Variants in SUGT1 observed in about 807,000 individuals in gnomAD.
SUGT1 encodes protein SGT1 homolog.
Under a neutral mutation model 56.1 loss-of-function variants are expected in SUGT1, and 15 were observed. That is an observed-to-expected ratio of 0.27 (90% CI 0.18 to 0.41). The LOEUF (loss-of-function observed/expected upper bound fraction) is 0.41, where lower values mean the gene tolerates loss of function less well. Among genes scored for constraint, SUGT1 ranks in the 10% least tolerant of loss-of-function variants. SUGT1 has a pLI of 1.00. For missense variants in SUGT1, 347 were observed against 382.2 expected (o/e 0.91, Z 0.77); for synonymous variants, 123 against 128.6 (o/e 0.96, Z 0.30).
chr13:52,664,768 A>G (rs550019342), intron 8 of SUGT1, among the ~76,000 whole-genome samples: 1 of 152,326 alleles, frequency 6.6e-6, no homozygotes, highest in African/African-American at 2.4e-5. Context: ...AGGAACTTTG[A>G]CTTGCCCTGG....
At chr13:52,678,668 A>AT (rs1308209121) in intron 11 of SUGT1, among the ~76,000 whole-genome samples, 7 of 109,568 alleles carry the variant, frequency 6.4e-5, no homozygotes, top group Middle Eastern at 4.9e-3. Context: ...AAATATCTTC[A>AT]TTTTTTTTGT....
rs182368644 is a variant in SUGT1, at chr13:52,690,438, T to A, written c.*2603T>A. The A allele has an allele frequency of 6.6e-6, 1 of 152,330 alleles. No homozygotes were observed. Among genetic ancestry groups the A allele is most frequent in the Admixed American group, 6.5e-5 (1 of 15,306 alleles). The allele number at this position is 152,330 out of a possible 1,614,324, so 9.4% of individuals were successfully genotyped here. A position where few individuals can be genotyped will look rare whatever the true frequency, so the allele number is the denominator to read the frequency against. On this transcript the variant is annotated 3_prime_UTR_variant, in exon 13 of 13. Coordinates refer to ENST00000310528, the MANE Select transcript of SUGT1 (RefSeq NM_006704.5). ...TGCTGTTAGTATTAGTAGCCTTTTG[T>A]TTCTTCAGAATGTATGTATTTTTCC...
chr13:52,660,392 G>A (rs1171131717), intron 5 of SUGT1, among the ~76,000 whole-genome samples: 1 of 152,090 alleles, frequency 6.6e-6, no homozygotes, highest in African/African-American at 2.4e-5. Context: ...TAAACCAGGG[G>A]TGCTACTAAA....
rs939681799 is a variant in SUGT1, at chr13:52,690,125, A to G, written c.*2290A>G. On this transcript the variant is annotated 3_prime_UTR_variant, in exon 13 of 13. Coordinates refer to ENST00000310528, the MANE Select transcript of SUGT1 (RefSeq NM_006704.5). ...GGAGTTTGTAAAACACATGACTGAA[A>G]GCATTATAAAACATACCTTGTCAAA... is the stretch of plus-strand genomic sequence containing the variant. 28 of 152,216 alleles carry G rather than the reference A, an allele frequency of 1.8e-4. No homozygotes were observed. Among genetic ancestry groups the G allele is most frequent in the African/African-American group, 6.8e-4 (28 of 41,458 alleles). 9.4% of individuals were successfully genotyped at this position (152,216 alleles called of 1,614,324 possible). A position where few individuals can be genotyped will look rare whatever the true frequency, so the allele number is the denominator to read the frequency against.
At chr13:52,659,122 G>A (rs1323977233) in intron 4 of SUGT1, 57 bp from the exon 5 acceptor site, 1 of 1,356,314 alleles carries the variant, frequency 7.4e-7, no homozygotes, top group East Asian at 2.7e-5. Flanking sequence ...TATTTAGAAA[G>A]AAGGTATTTT....
At chr13:52,660,094 G>T (rs1296977248) in intron 5 of SUGT1, among the ~76,000 whole-genome samples, 1 of 151,746 alleles carries the variant, frequency 6.6e-6, no homozygotes, top group Non-Finnish European at 1.5e-5. Context: ...CTCCCAAAGT[G>T]CTGGGATTAC....
At position 52,687,907 on chromosome 13, in the gene SUGT1, G is replaced by T; in HGVS notation, c.*72G>T. On this transcript the variant is annotated 3_prime_UTR_variant, in exon 13 of 13. Transcript: ENST00000310528. ...CATTGTGTATTGATATTGCATTCTT[G>T]AATTTTGAACACTGAATATCTTTTT... is the stretch of plus-strand genomic sequence containing the variant. 2.1e-6 allele frequency: 2 copies of T among 938,806 alleles called. No homozygotes were observed. Among genetic ancestry groups the T allele is most frequent in the Non-Finnish European group, 1.5e-6 (1 of 655,632 alleles). The allele number at this position is 938,806 out of a possible 1,614,324, so 58.2% of individuals were successfully genotyped here.
At chr13:52,674,611 G>A (rs1253331037) in intron 10 of SUGT1, among the ~76,000 whole-genome samples, 2 of 151,946 alleles carry the variant, frequency 1.3e-5, no homozygotes, top group African/African-American at 4.8e-5. Flanking sequence ...TGAGTCATCT[G>A]ATAAAAGATA....
At chr13:52,654,629 ACCT>A (rs2138100091) in intron 2 of SUGT1, among the ~76,000 whole-genome samples, 1 of 152,262 alleles carries the variant, frequency 6.6e-6, no homozygotes, top group South Asian at 2.1e-4. Context: ...TCCTGCTTTG[ACCT>A]CCATCACCAT....
At chr13:52,677,487 A>AT (rs201309450) in intron 11 of SUGT1, among the ~76,000 whole-genome samples, 1,728 of 152,320 alleles carry the variant, frequency 0.011, 34 homozygotes, top group African/African-American at 0.039. Flanking sequence ...ACTCCAATAG[A>AT]TTTTGAGGCT....
chr13:52,676,402 C>A (rs1436083580), intron 11 of SUGT1, 82 bp downstream of exon 11: 9 of 1,147,304 alleles, frequency 7.8e-6, no homozygotes, highest in Non-Finnish European at 8.5e-6. Flanking sequence ...ATTCTTTTTA[C>A]TTTCATTATT....
At chr13:52,665,512 G>GTCGT (rs1962659477) in intron 8 of SUGT1, 125 bp from the exon 9 acceptor site, 1 of 625,328 alleles carries the variant, frequency 1.6e-6, no homozygotes, top group Non-Finnish European at 2.8e-6. Flanking sequence ...CTGTGAATCA[G>GTCGT]TAGTTGCTTT....
At chr13:52,682,835 TATTCTA>T (rs1473051890) in intron 12 of SUGT1, among the ~76,000 whole-genome samples, 2 of 152,242 alleles carry the variant, frequency 1.3e-5, no homozygotes, top group East Asian at 3.8e-4. Flanking sequence ...TGTTTTTAGA[TATTCTA>T]ACTCATTTGT....
At chr13:52,669,160 A>T (rs1962833673) in intron 10 of SUGT1, among the ~76,000 whole-genome samples, 1 of 152,198 alleles carries the variant, frequency 6.6e-6, no homozygotes. Flanking sequence ...TAGTTTATGT[A>T]TACATTTCAT....
At chr13:52,675,932 G>A (rs1963122752) in intron 10 of SUGT1, among the ~76,000 whole-genome samples, 1 of 152,030 alleles carries the variant, frequency 6.6e-6, no homozygotes, top group Non-Finnish European at 1.5e-5. Flanking sequence ...AATGTCCCCT[G>A]GGTGGCAGAA....
chr13:52,667,452 C>A (rs773466870), intron 10 of SUGT1, among the ~76,000 whole-genome samples: 6 of 152,104 alleles, frequency 3.9e-5, no homozygotes, highest in African/African-American at 1.4e-4. Context: ...CCAAGTGATT[C>A]TCCTGCTTCA....
At position 52,684,128 on chromosome 13, in the gene SUGT1, T is replaced by G. The variant is rs187157230; in HGVS notation, c.901-3606T>G. Among the ~76,000 whole-genome samples the G allele has an allele frequency of 2.8e-3, 420 of 152,274 alleles. 3 individuals carry two copies. Among genetic ancestry groups the G allele is most frequent in the African/African-American group, 9.6e-3 (398 of 41,554 alleles). On this transcript the variant is annotated intron_variant, in intron 12 of 12. Transcript: ENST00000310528. ...GTTGCCCAGTCTGGTCTGTAACTCC[T>G]GAGCTCAAGCGATCCGCCCACCTTG...
intron 8 of SUGT1, 85 bp from the exon 9 acceptor site, chr13:52,665,549 CTTG>C (rs1459565541): frequency 2.2e-6 from 2 of 907,644 alleles, no homozygotes; most frequent in African/African-American, 1.8e-5. Flanking sequence ...AGGTGGGGCT[CTTG>C]TTGTTTATCA....
chr13:52,672,304 C>T (rs1962977680), intron 10 of SUGT1, among the ~76,000 whole-genome samples: 1 of 152,102 alleles, frequency 6.6e-6, no homozygotes, highest in Non-Finnish European at 1.5e-5. Context: ...ATGGGAATGT[C>T]TCTCCTGATT....
Sources: allele counts gnomAD v4.1 joint callset (sites outside exome capture counted in the v4.1 genomes callset), GRCh38; gene constraint gnomAD v4.1.1; transcripts MANE v1.5; gene names NCBI Gene and HGNC (gene_info 2026-07-23, HGNC 2026-07-21).